Variants in MICU2 observed in about 807,000 individuals in gnomAD.
MICU2 encodes the protein calcium uptake protein 2, mitochondrial.
MICU2 carries 64 observed loss-of-function variants against 60.4 expected under a neutral mutation model. The ratio of observed to expected loss-of-function variants is 1.06; its 90% CI spans 0.87 to 1.31. MICU2 has a LOEUF of 1.31. Among genes scored for constraint, MICU2 ranks in the 50% most tolerant of loss-of-function variants. The pLI, the probability that MICU2 is intolerant of heterozygous loss-of-function variation, is 0.00. For synonymous variants in MICU2, 201 were observed against 175.0 expected (o/e 1.15, Z -1.17); for missense variants, 569 against 531.0 (o/e 1.07, Z -0.70).
At chr13:21,602,500 C>A (rs1036817096) in intron 1 of MICU2, among the ~76,000 whole-genome samples, 1 of 151,594 alleles carries the variant, frequency 6.6e-6, no homozygotes, top group East Asian at 1.9e-4. Context: ...CCGGCCTGGG[C>A]GACAGAGCGA....
intron 4 of MICU2, chr13:21,530,919 G>A (rs1463763980): frequency 2.6e-6 from 2 of 759,978 alleles, no homozygotes; most frequent in Non-Finnish European, 2.4e-6. Context: ...ATCTAGTGCT[G>A]CAGAATGTTG....
At chr13:21,538,292 T>C (rs1340125746) in intron 4 of MICU2, among the ~76,000 whole-genome samples, 1 of 151,600 alleles carries the variant, frequency 6.6e-6, no homozygotes, top group Non-Finnish European at 1.5e-5. Context: ...AAAAAAGGTC[T>C]GGTGTGGTGG....
chr13:21,544,147 A>C (rs1239983534), intron 2 of MICU2, among the ~76,000 whole-genome samples: 7 of 152,210 alleles, frequency 4.6e-5, no homozygotes, highest in Non-Finnish European at 1.0e-4. Flanking sequence ...CCCTCACCTT[A>C]TATAAAAATC....
intron 4 of MICU2, among the ~76,000 whole-genome samples, chr13:21,534,736 T>A (rs1887091580): frequency 1.3e-5 from 2 of 152,200 alleles, no homozygotes; most frequent in South Asian, 2.1e-4. Flanking sequence ...TTAGGCAACA[T>A]ACCAAGCAAC....
chr13:21,532,012 C>T (rs1887012870), intron 4 of MICU2, among the ~76,000 whole-genome samples: 2 of 152,172 alleles, frequency 1.3e-5, no homozygotes, highest in Non-Finnish European at 2.9e-5. Flanking sequence ...TAACAGGATT[C>T]TCTGATGCAG....
intron 4 of MICU2, among the ~76,000 whole-genome samples, chr13:21,533,324 ATTT>A (rs35509976): frequency 2.2e-5 from 3 of 138,346 alleles, no homozygotes; most frequent in Admixed American, 1.4e-4. Flanking sequence ...AGGCAGCGCA[ATTT>A]TTTTTTTTTT....
At chr13:21,495,915 G>C (rs1200524176) in intron 10 of MICU2, 137 bp downstream of exon 10, 1 of 603,150 alleles carries the variant, frequency 1.7e-6, no homozygotes, top group Non-Finnish European at 2.9e-6. Flanking sequence ...TCTAAATCTA[G>C]AATAACCACA....
chr13:21,569,367 C>G (rs771200178), intron 1 of MICU2, among the ~76,000 whole-genome samples: 2 of 152,144 alleles, frequency 1.3e-5, no homozygotes, highest in African/African-American at 4.8e-5. Context: ...AATAATGTCT[C>G]TCCTTTTCCT....
chr13:21,590,198 G>C (rs1322259761), intron 1 of MICU2, among the ~76,000 whole-genome samples: 1 of 152,092 alleles, frequency 6.6e-6, no homozygotes, highest in Non-Finnish European at 1.5e-5. Flanking sequence ...AGAGAGAAAG[G>C]CCAAGTCACC....
chr13:21,556,719 G>C (rs1028900862), intron 2 of MICU2, among the ~76,000 whole-genome samples: 2 of 152,110 alleles, frequency 1.3e-5, no homozygotes, highest in Admixed American at 1.3e-4. Flanking sequence ...GGAGGGATCT[G>C]AAGAACTCCC....
intron 2 of MICU2, among the ~76,000 whole-genome samples, chr13:21,561,556 C>T (rs1002753288): frequency 2.6e-5 from 4 of 151,616 alleles, no homozygotes; most frequent in Admixed American, 6.6e-5. Flanking sequence ...AAAATTACTA[C>T]GCAATGCCTC....
At chr13:21,539,630 C>T (rs1887232538) in intron 3 of MICU2, 27 bp downstream of exon 3, 19 of 1,613,970 alleles carry the variant, frequency 1.2e-5, no homozygotes, top group East Asian at 2.2e-5. Context: ...CAAAAACAAA[C>T]CCTGCCCCCC....
In MICU2 at chr13:21,496,355, T is replaced by C. The variant is rs1345977469; in HGVS notation, c.934-195A>G. On this transcript the variant is annotated intron_variant, in intron 9 of 11. Coordinates refer to ENST00000382374, the MANE Select transcript of MICU2 (RefSeq NM_152726.3). The stretch of plus-strand genomic sequence containing the variant: ...CAAAGGGCACAGTGAGAAGGTGCTG[T>C]GTGCAGGCTGGGCAAGAGGCCTCAC... 4 of 505,352 alleles carry C rather than the reference T, an allele frequency of 7.9e-6. No homozygotes were observed. The Admixed American group carries it at 1.4e-4, about 18-fold the overall frequency. The allele number at this position is 505,352 out of a possible 1,614,324, so 31.3% of individuals were successfully genotyped here.
chr13:21,572,296 G>A (rs1888129102), intron 1 of MICU2, among the ~76,000 whole-genome samples: 1 of 152,190 alleles, frequency 6.6e-6, no homozygotes, highest in Non-Finnish European at 1.5e-5. Flanking sequence ...ATCTGTGGCT[G>A]TTTTTCTGGA....
chr13:21,551,422 T>C (rs879918922), intron 2 of MICU2: 4 of 152,224 alleles, frequency 2.6e-5, no homozygotes, highest in South Asian at 2.1e-4. Flanking sequence ...CAGACTTCTT[T>C]TTAAAATTAT....
intron 2 of MICU2, among the ~76,000 whole-genome samples, chr13:21,550,886 AGTG>A (rs1887543890): frequency 6.6e-6 from 1 of 152,222 alleles, no homozygotes; most frequent in Non-Finnish European, 1.5e-5. Context: ...AATACTACTA[AGTG>A]GTGGAGTCAG....
intron 1 of MICU2, among the ~76,000 whole-genome samples, chr13:21,571,765 A>C (rs895005913): frequency 6.6e-6 from 1 of 152,244 alleles, no homozygotes; most frequent in Admixed American, 6.5e-5. Flanking sequence ...AAGGATGAGC[A>C]GGAGTTTGCC....
intron 1 of MICU2, among the ~76,000 whole-genome samples, chr13:21,586,695 G>A (rs906001563): frequency 6.6e-6 from 1 of 152,106 alleles, no homozygotes; most frequent in Non-Finnish European, 1.5e-5. Context: ...ATAGGAGGGA[G>A]CCAACACACC....
intron 6 of MICU2, among the ~76,000 whole-genome samples, chr13:21,520,404 C>T (rs1419686541): frequency 6.6e-6 from 1 of 152,132 alleles, no homozygotes; most frequent in African/African-American, 2.4e-5. Context: ...TTTATTCCCA[C>T]CAGCAATGTA....
Sources: gnomAD v4.1 joint callset for allele counts (sites outside exome capture counted in the v4.1 genomes callset) on GRCh38, gnomAD v4.1.1 for gene constraint, MANE v1.5 for transcripts, NCBI Gene and HGNC (gene_info 2026-07-23, HGNC 2026-07-21) for gene names.